The following MSH3 variants were observed in gnomAD, a reference collection of about 807,000 sequenced individuals.
The protein encoded by MSH3 is DNA mismatch repair protein Msh3.
In MSH3, 106 loss-of-function variants were observed where a neutral mutation model predicts 123.3. The observed-to-expected ratio is 0.86, with a 90% confidence interval of 0.73 to 1.01. The LOEUF is 1.01. MSH3 is among the 50% of genes least tolerant of loss of function. The pLI is 0.00. For synonymous variants in MSH3, 515 were observed against 481.4 expected (o/e 1.07, Z -0.91); for missense variants, 1,459 against 1,347.6 (o/e 1.08, Z -1.29).
chr5:80,788,294 G>A (rs890219356), intron 18 of MSH3, among the ~76,000 whole-genome samples: 9 of 152,038 alleles, frequency 5.9e-5, no homozygotes, highest in African/African-American at 1.7e-4. Flanking sequence ...AAAATTAGCC[G>A]GGTGTGGTAT....
At chr5:80,792,561 T>C (rs762768671) in intron 18 of MSH3, among the ~76,000 whole-genome samples, 172 bp from the exon 19 acceptor site, 9 of 152,210 alleles carry the variant, frequency 5.9e-5, no homozygotes, top group Non-Finnish European at 1.3e-4. Flanking sequence ...ATAGTTCAAA[T>C]TTAACTTTTA....
In MSH3 at chr5:80,768,458, G is replaced by A. The variant is rs149117313; in HGVS notation, c.2084+338G>A. On this transcript the variant is annotated intron_variant, in intron 14 of 23. Coordinates refer to ENST00000265081, the MANE Select transcript of MSH3 (RefSeq NM_002439.5). ...ACTCATTTCCTATATTTCCAGAGAT[G>A]TCTTTATATTTAGAATCTGTAAAAG... Among the ~76,000 whole-genome samples, 129 of 152,210 alleles carry A rather than the reference G, an allele frequency of 8.5e-4. 1 individual carries two copies. In the Middle Eastern group the frequency reaches 0.014, roughly 16 times the overall value.
chr5:80,725,451 A>G lies in MSH3; in HGVS notation c.1341-2A>G, dbSNP rs750876165. The G allele has an allele frequency of 2.5e-6, 4 of 1,608,966 alleles. No individual in the cohort carries two copies. Among genetic ancestry groups the G allele is most frequent in the Non-Finnish European group, 3.4e-6 (4 of 1,176,044 alleles). ...CTTTGAAATTTTCCTTTTTTCTTTCAGTGTGCAGGATGACAGAATTCGAGT... is the reference window on the plus strand; with the variant it reads ...CTTTGAAATTTTCCTTTTTTCTTTCGGTGTGCAGGATGACAGAATTCGAGT... On this transcript the variant is annotated splice_acceptor_variant, in intron 8 of 23. Transcript: ENST00000265081. LOFTEE classifies it high-confidence loss of function.
intron 23 of MSH3, among the ~76,000 whole-genome samples, chr5:80,874,277 C>G (rs1236626210): frequency 6.6e-6 from 1 of 152,198 alleles, no homozygotes; most frequent in Non-Finnish European, 1.5e-5. Context: ...TTCTCTTTCT[C>G]TACCTCCTTC....
At position 80,778,805 on chromosome 5, in the gene MSH3, G is replaced by A. The variant is rs56084344; in HGVS notation, c.2404G>A (p.Asp802Asn). Residue 802 changes from aspartate to asparagine, a missense_variant, in exon 17 of 24, where the codon GAC becomes AAC. Physicochemically the swap from Asp to Asn is conservative, Grantham distance 23. Coordinates refer to ENST00000265081, the MANE Select transcript of MSH3 (RefSeq NM_002439.5). ...LNQLREQLVL[D>N]CSAEWLDFLE... ...TCAGCTCCGGGAGCAGCTAGTCCTT[G>A]ACTGCAGTGCTGAATGGCTTGATTT... The A allele has an allele frequency of 6.2e-7, 1 of 1,603,042 alleles. No homozygotes were observed. Among genetic ancestry groups the A allele is most frequent in the East Asian group, 2.2e-5 (1 of 44,804 alleles).
chr5:80,717,086 C>A (rs6151708), intron 8 of MSH3, among the ~76,000 whole-genome samples: 1,529 of 152,184 alleles, frequency 0.01, 25 homozygotes, highest in African/African-American at 0.035. Context: ...GTATATTCCA[C>A]ATTTTCATTA....
At position 80,876,695 on chromosome 5, in the gene MSH3, G is replaced by A. The variant is rs1256122636; in HGVS notation, c.*833G>A. Among the ~76,000 whole-genome samples the A allele has an allele frequency of 1.3e-5, 2 of 151,872 alleles. No individual in the cohort carries two copies. Among genetic ancestry groups the A allele is most frequent in the Non-Finnish European group, 2.9e-5 (2 of 67,960 alleles). Reference sequence around the variant, plus strand: ...GCTTTTAAAAACTAGAGCACAGAAGGAATAAGGTCATGAAATTTAAAAGGT... The same window carrying A: ...GCTTTTAAAAACTAGAGCACAGAAGAAATAAGGTCATGAAATTTAAAAGGT... On this transcript the variant is annotated 3_prime_UTR_variant, in exon 24 of 24. Transcript: ENST00000265081.
intron 17 of MSH3, among the ~76,000 whole-genome samples, chr5:80,787,202 A>C (rs1327524921): frequency 6.6e-6 from 1 of 152,226 alleles, no homozygotes; most frequent in Non-Finnish European, 1.5e-5. Context: ...GCACAAGGGA[A>C]GCTGATCCAC....
chr5:80,868,757 C>T (rs916966467), intron 22 of MSH3, among the ~76,000 whole-genome samples: 1 of 151,160 alleles, frequency 6.6e-6, no homozygotes, highest in African/African-American at 2.4e-5. Context: ...ACATGTACCC[C>T]TGAACTTAAA....
intron 15 of MSH3, among the ~76,000 whole-genome samples, chr5:80,771,239 T>G (rs893180572): frequency 3.9e-5 from 6 of 152,186 alleles, no homozygotes; most frequent in Non-Finnish European, 7.3e-5. Context: ...ATCCCAACAC[T>G]TTGGGAAGCC....
intron 3 of MSH3, among the ~76,000 whole-genome samples, chr5:80,666,321 A>G (rs1749568632): frequency 6.6e-6 from 1 of 152,204 alleles, no homozygotes; most frequent in African/African-American, 2.4e-5. Flanking sequence ...TTCTAATGAA[A>G]GCTGTTGGCC....
intron 17 of MSH3, among the ~76,000 whole-genome samples, chr5:80,779,918 C>G (rs892799276): frequency 6.6e-6 from 1 of 152,030 alleles, no homozygotes; most frequent in Non-Finnish European, 1.5e-5. Flanking sequence ...TTCCCAATGT[C>G]CCCCCGCCAC....
chr5:80,740,245 G>A (rs1460787963), intron 10 of MSH3, among the ~76,000 whole-genome samples: 1 of 152,032 alleles, frequency 6.6e-6, no homozygotes, highest in African/African-American at 2.4e-5. Flanking sequence ...ATTTTGTTTT[G>A]GATAGATACT....
At chr5:80,659,547 A>C (rs1431990688) in intron 2 of MSH3, among the ~76,000 whole-genome samples, 1 of 151,664 alleles carries the variant, frequency 6.6e-6, no homozygotes, top group Non-Finnish European at 1.5e-5. Context: ...TAATGTTTTC[A>C]AGGCTCATCC....
chr5:80,838,852 A>G (rs1485853292), intron 20 of MSH3, among the ~76,000 whole-genome samples: 15 of 152,220 alleles, frequency 9.9e-5, no homozygotes, highest in Admixed American at 9.2e-4. Flanking sequence ...TGTGTGACAT[A>G]AATTTTTAAT....
At position 80,741,244 on chromosome 5, in the gene MSH3, G is replaced by A. The variant is rs180815247; in HGVS notation, c.1569-220G>A. On this transcript the variant is annotated intron_variant, in intron 10 of 23. Coordinates refer to ENST00000265081, the MANE Select transcript of MSH3 (RefSeq NM_002439.5). ...CCTTTCCTGTTCTTGTTTTTTTTTT[G>A]TTAGAGTAACTATCTTTGTCTTGCA... is the stretch of plus-strand genomic sequence containing the variant. 7.1e-4 allele frequency among the ~76,000 whole-genome samples: 105 copies of A among 148,884 alleles called. 1 individual carries two copies. The highest frequency in any genetic ancestry group is 2.5e-3 in the African/African-American group (100 of 40,458).
intron 8 of MSH3, among the ~76,000 whole-genome samples, chr5:80,716,788 T>C (rs935867811): frequency 2.0e-5 from 3 of 152,168 alleles, no homozygotes; most frequent in African/African-American, 7.2e-5. Flanking sequence ...ATAACTGTAG[T>C]CCTACCCTAC....
At chr5:80,710,344 C>A (rs956782227) in intron 8 of MSH3, among the ~76,000 whole-genome samples, 2 of 152,228 alleles carry the variant, frequency 1.3e-5, no homozygotes, top group African/African-American at 4.8e-5. Context: ...CAGAAGGGAG[C>A]AGCTATTCCC....
intron 1 of MSH3, 148 bp downstream of exon 1, chr5:80,655,112 A>C (rs1035352746): frequency 1.6e-4 from 85 of 531,408 alleles, no homozygotes; most frequent in Non-Finnish European, 2.6e-4. Context: ...GGAAGAGCCC[A>C]GCCGGGGCTA....
Sources: gnomAD v4.1 joint callset for allele counts (sites outside exome capture counted in the v4.1 genomes callset) on GRCh38, gnomAD v4.1.1 for gene constraint, MANE v1.5 for transcripts, NCBI Gene and HGNC (gene_info 2026-07-23, HGNC 2026-07-21) for gene names.